The following NEBL variants were observed in gnomAD, a reference collection of about 807,000 sequenced individuals.
The protein encoded by NEBL is nebulette, also known as LIM and SH3 protein 2.
In NEBL, 122 loss-of-function variants were observed where a neutral mutation model predicts 140.2. That is an observed-to-expected ratio of 0.87 (90% confidence interval 0.75 to 1.01). NEBL has a LOEUF of 1.01. Ranked by LOEUF, NEBL falls within the 50% of genes least tolerant of loss-of-function variation. The probability of loss-of-function intolerance (pLI) is 0.00; values close to 1 mark genes in which losing one functional copy is unlikely to be tolerated. For synonymous variants in NEBL, 436 were observed against 398.9 expected (o/e 1.09, Z -1.11); for missense variants, 1,365 against 1,231.3 (o/e 1.11, Z -1.62).
At chr10:20,871,250 A>G (rs1315484870) in intron 5 of NEBL, among the ~76,000 whole-genome samples, 1 of 152,210 alleles carries the variant, frequency 6.6e-6, no homozygotes, top group East Asian at 1.9e-4. Context: ...ATTTAGGGGT[A>G]CTTATTAAAG....
intron 2 of NEBL, among the ~76,000 whole-genome samples, chr10:21,088,147 C>A (rs1836731274): frequency 6.6e-6 from 1 of 152,192 alleles, no homozygotes; most frequent in Non-Finnish European, 1.5e-5. Flanking sequence ...CCAGTTGTTT[C>A]TCTCCACATT....
chr10:21,173,403 A>G lies in NEBL; in HGVS notation c.69+362T>C, dbSNP rs1489020761. 1.4e-5 allele frequency among the ~76,000 whole-genome samples: 2 copies of G among 148,084 alleles called. No individual in the cohort carries two copies. Among genetic ancestry groups the G allele is most frequent in the Non-Finnish European group, 3.0e-5 (2 of 66,758 alleles). The stretch of plus-strand genomic sequence containing the variant: ...GATCTGTGGGGCGGGGGGCGGGGGT[A>G]TTGTGGAACACGAGTGGAGGTGGAG... On this transcript the variant is annotated intron_variant, in intron 1 of 6. Transcript: ENST00000417816. This position sits in a 1 kb window ranked among gnomAD's most constrained non-coding sequence, Gnocchi z 5.7.
At position 20,868,437 on chromosome 10, in the gene NEBL, T is replaced by C. The variant is rs1844547456; in HGVS notation, c.684+227A>G. 9.7e-6 allele frequency: 5 copies of C among 517,534 alleles called. No individual in the cohort carries two copies. The Admixed American group carries it at 1.6e-4, about 17-fold the overall frequency. 32.1% of individuals were successfully genotyped at this position (517,534 alleles called of 1,614,324 possible). A position where few individuals can be genotyped will look rare whatever the true frequency, so the allele number is the denominator to read the frequency against. On this transcript the variant is annotated intron_variant, in intron 7 of 27. Coordinates refer to ENST00000377122, the MANE Select transcript of NEBL (RefSeq NM_006393.3). ...CTAGAGACATTGAAAAATGTTCAGA[T>C]TTATGCCTGGAGAAAAGAAAACTTT...
chr10:21,226,890 A>G (rs1314533250), intron 3 of NEBL, among the ~76,000 whole-genome samples: 2 of 152,056 alleles, frequency 1.3e-5, no homozygotes, highest in African/African-American at 2.4e-5. Context: ...ATAGTGTTCA[A>G]TTTGGTGCTC....
chr10:20,880,247 G>A (rs1845893628), intron 5 of NEBL, among the ~76,000 whole-genome samples: 2 of 152,196 alleles, frequency 1.3e-5, no homozygotes, highest in Non-Finnish European at 2.9e-5. Flanking sequence ...TGTAATCCCA[G>A]CTACTCGGGA....
intron 26 of NEBL, among the ~76,000 whole-genome samples, chr10:20,807,598 G>C (rs888187968): frequency 1.3e-5 from 2 of 152,042 alleles, no homozygotes; most frequent in East Asian, 1.9e-4. Flanking sequence ...ACAATCTTTC[G>C]CAGCTTGGTC....
Position 21,146,216 on chromosome 10 carries a change from C to A in NEBL, c.164+26167G>T, listed in dbSNP as rs976372804. The A allele has an allele frequency of 9.8e-6, 7 of 717,762 alleles. No individual in the cohort carries two copies. In the African/African-American group the frequency reaches 1.1e-4, roughly 11 times the overall value. 44.5% of individuals were successfully genotyped at this position (717,762 alleles called of 1,614,324 possible). On this transcript the variant is annotated intron_variant, in intron 2 of 6. Coordinates refer to the NEBL transcript ENST00000417816. ...TGATAACTGCAAAGGAAGTTTATTTCATGCAGAGGGTACTCCGTTCACCCC... is the reference window on the plus strand; with the variant it reads ...TGATAACTGCAAAGGAAGTTTATTTAATGCAGAGGGTACTCCGTTCACCCC...
chr10:20,920,068 C>G (rs1001605231), intron 4 of NEBL, among the ~76,000 whole-genome samples: 1 of 152,164 alleles, frequency 6.6e-6, no homozygotes, highest in Non-Finnish European at 1.5e-5. Flanking sequence ...AAGCTTCTTA[C>G]TGGTGATAAG....
At chr10:20,901,655 T>C (rs74120507), upstream of NEBL, among the ~76,000 whole-genome samples, 6,466 of 152,304 alleles carry the variant, frequency 0.042, 409 homozygotes, top group African/African-American at 0.14. Context: ...TTATAAAATA[T>C]TCATTCCAAA....
chr10:21,141,238 G>T (rs1257517495), intron 2 of NEBL, among the ~76,000 whole-genome samples: 1 of 152,172 alleles, frequency 6.6e-6, no homozygotes, highest in East Asian at 1.9e-4. Flanking sequence ...AACGAGGTCT[G>T]TAGATTAGAT....
At chr10:20,790,676 T>A (rs1448113197) in intron 26 of NEBL, among the ~76,000 whole-genome samples, 1 of 151,872 alleles carries the variant, frequency 6.6e-6, no homozygotes, top group Non-Finnish European at 1.5e-5. Context: ...ATCAACTTAG[T>A]AAAAGCAAAC....
intron 2 of NEBL, among the ~76,000 whole-genome samples, chr10:21,163,469 C>T (rs1840637055): frequency 6.6e-6 from 1 of 152,128 alleles, no homozygotes; most frequent in African/African-American, 2.4e-5. Context: ...CCACGCATTG[C>T]CTGAATTTGC....
intron 2 of NEBL, among the ~76,000 whole-genome samples, chr10:21,076,937 T>A (rs1377782226): frequency 1.3e-5 from 2 of 152,110 alleles, no homozygotes; most frequent in African/African-American, 4.8e-5. Context: ...TTCATGGATG[T>A]GGAGTTTCAG....
chr10:21,229,440 A>T (rs1427697891), intron 3 of NEBL, among the ~76,000 whole-genome samples: 1 of 152,124 alleles, frequency 6.6e-6, no homozygotes, highest in Non-Finnish European at 1.5e-5. Context: ...TGGGGGAGGG[A>T]AATAATATAA....
chr10:20,819,883 C>A (rs1246405771), intron 19 of NEBL, among the ~76,000 whole-genome samples: 1 of 152,086 alleles, frequency 6.6e-6, no homozygotes, highest in Non-Finnish European at 1.5e-5. Flanking sequence ...AGCCACCACA[C>A]CCAACCCTTA....
chr10:20,954,196 A>G (rs1240058603), intron 4 of NEBL, among the ~76,000 whole-genome samples: 1 of 152,336 alleles, frequency 6.6e-6, no homozygotes, highest in East Asian at 1.9e-4. Flanking sequence ...TTGATGTGCA[A>G]TGGATATGTA....
intron 3 of NEBL, among the ~76,000 whole-genome samples, chr10:20,963,738 T>C (rs1836165980): frequency 6.6e-6 from 1 of 152,208 alleles, no homozygotes. Flanking sequence ...TCAACAATCC[T>C]TTCCACATTC....
intron 2 of NEBL, among the ~76,000 whole-genome samples, chr10:21,044,592 A>T (rs188332517): frequency 5.8e-4 from 88 of 152,182 alleles, no homozygotes; most frequent in Admixed American, 4.3e-3. Context: ...ATAAATTCAC[A>T]TGGCTGTTCA....
At chr10:21,009,801 G>C (rs533772859) in intron 3 of NEBL, among the ~76,000 whole-genome samples, 103 of 152,158 alleles carry the variant, frequency 6.8e-4, no homozygotes, top group African/African-American at 2.4e-3. Flanking sequence ...TGAAGCTAAT[G>C]GGTGCTCTAA....
Sources: gnomAD v4.1 joint callset for allele counts (sites outside exome capture counted in the v4.1 genomes callset) on GRCh38, gnomAD v4.1.1 for gene constraint, Gnocchi (gnomAD v3.1) non-coding constraint, MANE v1.5 for transcripts, NCBI Gene and HGNC (gene_info 2026-07-23, HGNC 2026-07-21) for gene names.